The following ITFG1 variants were observed in gnomAD, a reference collection of about 807,000 sequenced individuals.
The protein encoded by ITFG1 is T-cell immunomodulatory protein.
In ITFG1, 34 loss-of-function variants were observed where a neutral mutation model predicts 81.8. The ratio of observed to expected loss-of-function variants is 0.42; its 90% confidence interval spans 0.32 to 0.55. The LOEUF is 0.55. Ranked by LOEUF, ITFG1 falls within the 20% of genes least tolerant of loss-of-function variation. The probability of loss-of-function intolerance (pLI) is 0.17; values close to 1 mark genes in which losing one functional copy is unlikely to be tolerated. For missense variants in ITFG1, 672 were observed against 755.4 expected, an observed-to-expected ratio of 0.89 and a Z score of 1.29; for synonymous variants, 285 against 270.6, an observed-to-expected ratio of 1.05 and a Z score of -0.52.
chr16:47,437,667 C>A (rs1203398726), intron 5 of ITFG1, among the ~76,000 whole-genome samples: 1 of 152,156 alleles, frequency 6.6e-6, no homozygotes, highest in African/African-American at 2.4e-5. Flanking sequence ...ATTCAGCTAT[C>A]TTTCTACATG....
intron 10 of ITFG1, among the ~76,000 whole-genome samples, chr16:47,275,700 T>C (rs1567443275): frequency 1.3e-5 from 2 of 152,132 alleles, no homozygotes; most frequent in Non-Finnish European, 1.5e-5. Context: ...CAAATCCATA[T>C]ATGTATATTT....
chr16:47,460,721 G>A, intron 1 of ITFG1, 117 bp downstream of exon 1: 1 of 1,128,178 alleles, frequency 8.9e-7, no homozygotes, highest in African/African-American at 1.5e-5. Flanking sequence ...GAAGGCCACA[G>A]GGCTGGGAGA....
At chr16:47,394,956 T>C (rs1968576470) in intron 6 of ITFG1, among the ~76,000 whole-genome samples, 2 of 152,166 alleles carry the variant, frequency 1.3e-5, no homozygotes, top group African/African-American at 4.8e-5. Context: ...AGCTAAATAA[T>C]ACTTTTTAGA....
rs9926770 is a variant in ITFG1 at position 47,234,840 on chromosome 16, G to T, written c.1374+3125C>A. 4.4e-3 allele frequency among the ~76,000 whole-genome samples: 674 copies of T among 152,280 alleles called. 6 individuals are homozygous for T. The highest frequency in any genetic ancestry group is 0.016 in the African/African-American group (644 of 41,534). ...CCCCACATGTCATGGGAGGGACCTG[G>T]TGGAAGGTAACTGAATCACAGGAGC... On this transcript the variant is annotated intron_variant, in intron 13 of 17. Coordinates refer to ENST00000320640, the MANE Select transcript of ITFG1 (RefSeq NM_030790.5).
At chr16:47,311,499 C>G in intron 9 of ITFG1, 87 bp from the exon 10 acceptor site, 4 of 1,011,140 alleles carry the variant, frequency 4.0e-6, no homozygotes, top group Non-Finnish European at 5.6e-6. Flanking sequence ...ATTAAGTTTT[C>G]AAGATAAGCA....
chr16:47,286,833 G>T (rs1966871363), intron 10 of ITFG1, among the ~76,000 whole-genome samples: 1 of 152,082 alleles, frequency 6.6e-6, no homozygotes, highest in Non-Finnish European at 1.5e-5. Flanking sequence ...GTCTTATGAG[G>T]TATGGATTAC....
intron 13 of ITFG1, among the ~76,000 whole-genome samples, chr16:47,232,269 A>G (rs1382383743): frequency 3.3e-5 from 5 of 152,240 alleles, no homozygotes; most frequent in Non-Finnish European, 4.4e-5. Flanking sequence ...TTAGTTTTAC[A>G]GACATGGAGA....
chr16:47,360,423 A>C (rs1470457256), intron 8 of ITFG1, among the ~76,000 whole-genome samples: 1 of 152,160 alleles, frequency 6.6e-6, no homozygotes, highest in Non-Finnish European at 1.5e-5. Context: ...GGGCTACTTA[A>C]CGAAACAGCA....
At chr16:47,304,232 C>G (rs552759802) in intron 10 of ITFG1, among the ~76,000 whole-genome samples, 1 of 152,148 alleles carries the variant, frequency 6.6e-6, no homozygotes, top group East Asian at 1.9e-4. Context: ...TCATGTTGTG[C>G]CAGTCTAGCT....
chr16:47,424,540 T>C (rs1177842421), intron 6 of ITFG1, among the ~76,000 whole-genome samples: 1 of 152,258 alleles, frequency 6.6e-6, no homozygotes, highest in Non-Finnish European at 1.5e-5. Flanking sequence ...TCAGCTTTTC[T>C]GCTCTGGTTT....
chr16:47,354,816 A>G (rs1968015766), intron 8 of ITFG1, among the ~76,000 whole-genome samples: 1 of 152,106 alleles, frequency 6.6e-6, no homozygotes, highest in Non-Finnish European at 1.5e-5. Flanking sequence ...AATCATCAGA[A>G]AATGCAAATC....
chr16:47,297,931 T>C (rs1854384749), intron 10 of ITFG1, among the ~76,000 whole-genome samples: 1 of 152,200 alleles, frequency 6.6e-6, no homozygotes, highest in Non-Finnish European at 1.5e-5. Context: ...GGTTTTCCAG[T>C]CTTGTTACTT....
At chr16:47,198,053 A>AT (rs1373255370) in intron 14 of ITFG1, among the ~76,000 whole-genome samples, 4 of 152,222 alleles carry the variant, frequency 2.6e-5, no homozygotes, top group African/African-American at 9.6e-5. Flanking sequence ...GTTATTACGG[A>AT]TTGAAGTTTA....
At chr16:47,365,984 T>G in intron 7 of ITFG1, 115 bp from the exon 8 acceptor site, 1 of 586,194 alleles carries the variant, frequency 1.7e-6, no homozygotes, top group Non-Finnish European at 3.1e-6. Flanking sequence ...TTTTGTTGTA[T>G]TGCACAAAAA....
chr16:47,402,932 AGTGTTATTCCTAT>A (rs1968680168), intron 6 of ITFG1, among the ~76,000 whole-genome samples: 1 of 152,196 alleles, frequency 6.6e-6, no homozygotes. Flanking sequence ...CAGAAATTCC[AGTGTTATTCCTAT>A]GCAATAACTA....
chr16:47,456,225 T>C (rs1383150004), intron 2 of ITFG1, among the ~76,000 whole-genome samples: 2 of 151,558 alleles, frequency 1.3e-5, no homozygotes. Flanking sequence ...GAAAAACAAA[T>C]CTATACCAAG....
chr16:47,335,103 A>G (rs576048689), intron 8 of ITFG1, among the ~76,000 whole-genome samples: 2 of 152,256 alleles, frequency 1.3e-5, no homozygotes, highest in Non-Finnish European at 2.9e-5. Context: ...ATGCCAGTAA[A>G]CCTAGCACTT....
chr16:47,265,642 T>C (rs982445341), intron 10 of ITFG1, among the ~76,000 whole-genome samples: 2 of 152,118 alleles, frequency 1.3e-5, no homozygotes, highest in Non-Finnish European at 2.9e-5. Context: ...TAAAATAAGA[T>C]TTCTAATGAA....
intron 8 of ITFG1, among the ~76,000 whole-genome samples, chr16:47,331,111 G>A (rs1967631339): frequency 6.6e-6 from 1 of 151,998 alleles, no homozygotes; most frequent in African/African-American, 2.4e-5. Context: ...AGAAAATGTG[G>A]TACCAATGGA....
Sources: gnomAD v4.1 joint callset for allele counts (sites outside exome capture counted in the v4.1 genomes callset) on GRCh38, gnomAD v4.1.1 for gene constraint, MANE v1.5 for transcripts, NCBI Gene and HGNC (gene_info 2026-07-23, HGNC 2026-07-21) for gene names.